The following NR4A3 variants were observed in gnomAD, a reference collection of about 807,000 sequenced individuals.
The protein encoded by NR4A3 is chondrosarcoma, extraskeletal myxoid, fused to EWS.
NR4A3 carries 13 observed loss-of-function variants against 55.6 expected under a neutral mutation model. The observed-to-expected ratio is 0.23, with a 90% CI of 0.15 to 0.37. The LOEUF (loss-of-function observed/expected upper bound fraction) is 0.37. NR4A3 is among the 10% of genes least tolerant of loss of function. NR4A3 has a pLI of 1.00. For missense variants in NR4A3, 646 were observed against 822.8 expected (o/e 0.79, Z 2.63); for synonymous variants, 342 against 357.9 (o/e 0.96, Z 0.50).
rs554728209 is a variant in NR4A3 at position 99,851,422 on chromosome 9, T to C, written c.1633+3807T>C. Among the ~76,000 whole-genome samples, 9 of 152,310 alleles carry C rather than the reference T, an allele frequency of 5.9e-5. No homozygotes were observed. The East Asian group carries it at 1.5e-3, about 26-fold the overall frequency. ...CAAAATTCATCCCAAAACTGTCTTT[T>C]CTTAAACCACAGAGAGCTCATGAAA... On this transcript the variant is annotated intron_variant, in intron 7 of 7. Transcript: ENST00000395097.
At position 99,825,343 on chromosome 9, in the gene NR4A3, G is replaced by A. The variant is rs968213004; in HGVS notation, c.-176-316G>A. 7.2e-5 allele frequency among the ~76,000 whole-genome samples: 11 copies of A among 151,898 alleles called. No homozygotes were observed. ...CGTAAGCTCGGAATCAATTGTGGGG[G>A]CAGAGAGATCAATTTCTGGGCAATA... On this transcript the variant is annotated intron_variant, in intron 1 of 7. Coordinates refer to ENST00000395097, the MANE Select transcript of NR4A3 (RefSeq NM_006981.4). The surrounding 1 kb of genome is among the most constrained non-coding windows in gnomAD (Gnocchi z 5.0).
chr9:99,827,288 G>A (rs1042983350), intron 2 of NR4A3, among the ~76,000 whole-genome samples: 65 of 135,934 alleles, frequency 4.8e-4, no homozygotes, highest in Middle Eastern at 3.7e-3. Context: ...GTGTGTGTGT[G>A]TGTATATATA....
In NR4A3 at chr9:99,863,640, C is replaced by A. The variant is rs1191801396; in HGVS notation, c.1654C>A (p.Pro552Thr). Residue 552 changes from proline (P) to threonine (T), a missense_variant, in exon 8 of 8, where the codon CCA becomes ACA. Pro to Thr is a conservative substitution (Grantham distance 38, BLOSUM62 -1). This residue lies in a region of NR4A3 where 163 missense variants were observed against 233.0 expected (regional missense o/e 0.70). Transcript: ENST00000395097. ...MITERHGLKE[P>T]KRVEELCNKI... ...TGCAGAAAGACATGGGTTAAAAGAACCAAAGAGAGTCGAAGAGCTATGCAA... is the reference window on the plus strand; with the variant it reads ...TGCAGAAAGACATGGGTTAAAAGAAACAAAGAGAGTCGAAGAGCTATGCAA... 1 of 1,613,872 alleles carries A rather than the reference C, an allele frequency of 6.2e-7. No homozygotes were observed. The highest frequency in any genetic ancestry group is 8.5e-7 in the Non-Finnish European group (1 of 1,179,896).
intron 7 of NR4A3, among the ~76,000 whole-genome samples, chr9:99,855,666 C>T (rs757851059): frequency 1.2e-4 from 18 of 152,202 alleles, no homozygotes; most frequent in Non-Finnish European, 1.6e-4. Context: ...CTCAATGTCT[C>T]TGGGACTGCC....
intron 1 of NR4A3, among the ~76,000 whole-genome samples, chr9:99,824,320 T>C (rs1411989135): frequency 6.6e-6 from 1 of 152,134 alleles, no homozygotes; most frequent in Non-Finnish European, 1.5e-5. Flanking sequence ...AGAGAACGAC[T>C]CCGCTTGAAA....
In NR4A3 at chr9:99,827,258, A is replaced by G. The variant is rs112678408; in HGVS notation, c.-2-783A>G. The stretch of plus-strand genomic sequence containing the variant: ...TATTAGTTAGAATTGGGATATATAT[A>G]TGTGTGTGTGTGTGTGTGTGTGTGT... On this transcript the variant is annotated intron_variant, in intron 2 of 7. Transcript: ENST00000395097. Among the ~76,000 whole-genome samples the G allele has an allele frequency of 3.8e-3, 545 of 145,106 alleles. 1 individual carries two copies. The highest frequency in any genetic ancestry group is 0.013 in the African/African-American group (493 of 38,942).
intron 7 of NR4A3, 85 bp downstream of exon 7, chr9:99,847,700 C>G (rs759415603): frequency 1.6e-6 from 2 of 1,282,740 alleles, no homozygotes; most frequent in Non-Finnish European, 2.2e-6. Flanking sequence ...ACTACACACA[C>G]CAGAAAAGTG....
intron 5 of NR4A3, chr9:99,835,019 G>A (rs1193565050): frequency 1.5e-6 from 1 of 688,746 alleles, no homozygotes; most frequent in Non-Finnish European, 1.8e-6. Flanking sequence ...GTGACCTTGA[G>A]CAACTGATTA....
intron 7 of NR4A3, among the ~76,000 whole-genome samples, chr9:99,858,414 G>T (rs933383387): frequency 1.3e-5 from 2 of 152,174 alleles, no homozygotes; most frequent in African/African-American, 4.8e-5. Flanking sequence ...TAGCCAAAAT[G>T]CACAGAAATC....
intron 5 of NR4A3, among the ~76,000 whole-genome samples, chr9:99,835,659 A>G (rs7865169): frequency 6.6e-6 from 1 of 152,176 alleles, no homozygotes; most frequent in Non-Finnish European, 1.5e-5. Context: ...TTTTGGCCCC[A>G]AATTATCCAA....
Position 99,847,446 on chromosome 9 carries a change from T to A in NR4A3, c.1464T>A (p.Thr488=). The change falls in exon 7 of 8, where the codon ACT becomes ACA. Residue 488 remains threonine, a synonymous_variant. Transcript: ENST00000395097. ...FVLRLSIRSN[T]AEDKFVFCNG... is the part of the protein sequence containing the mutation. ...TCCTCTCACCTCCCAGGTCAAACAC[T>A]GCTGAAGATAAGTTTGTGTTCTGCA... The A allele has an allele frequency of 6.2e-7, 1 of 1,614,178 alleles. No homozygotes were observed. The highest frequency in any genetic ancestry group is 8.5e-7 in the Non-Finnish European group (1 of 1,179,998).
chr9:99,823,865 C>G (rs770713333), intron 1 of NR4A3, among the ~76,000 whole-genome samples: 4 of 151,776 alleles, frequency 2.6e-5, no homozygotes, highest in Non-Finnish European at 5.9e-5. Context: ...TCAGTCTCTC[C>G]CTCGCTCCTC....
In NR4A3 at chr9:99,864,302, G is replaced by T. The variant is rs1038396875; in HGVS notation, c.*435G>T. 4.3e-6 allele frequency: 1 copy of T among 234,954 alleles called. No individual in the cohort carries two copies. The highest frequency in any genetic ancestry group is 8.4e-6 in the Non-Finnish European group (1 of 118,538). 14.6% of individuals were successfully genotyped at this position (234,954 alleles called of 1,614,324 possible). A position where few individuals can be genotyped will look rare whatever the true frequency, so the allele number is the denominator to read the frequency against. ...CAGGGTAGGATGTGTCTTAAAGATT[G>T]GTCCCTTGAAAATATGCTTCCTGTA... On this transcript the variant is annotated 3_prime_UTR_variant, in exon 8 of 8. Transcript: ENST00000395097.
intron 7 of NR4A3, among the ~76,000 whole-genome samples, chr9:99,862,375 C>T (rs2118180565): frequency 6.6e-6 from 1 of 151,624 alleles, no homozygotes; most frequent in Non-Finnish European, 1.5e-5. Context: ...GAAACCCCAT[C>T]TCTACTGAAA....
Position 99,866,259 on chromosome 9 carries a change from C to CT in NR4A3, c.*2394dup. ...AGAAATACTGTGCATACATAACCTT[C>CT]TTGTGCACCATGAGTATTTGGAAAG... On this transcript the variant is annotated 3_prime_UTR_variant, in exon 8 of 8. Coordinates refer to ENST00000395097, the MANE Select transcript of NR4A3 (RefSeq NM_006981.4). The CT allele has an allele frequency of 4.5e-6, 1 of 220,772 alleles. No individual in the cohort carries two copies. Among genetic ancestry groups the CT allele is most frequent in the East Asian group, 6.7e-5 (1 of 15,004 alleles). The allele number at this position is 220,772 out of a possible 1,614,324, so 13.7% of individuals were successfully genotyped here.
intron 5 of NR4A3, among the ~76,000 whole-genome samples, chr9:99,841,793 A>G (rs1827654679): frequency 1.3e-5 from 2 of 151,986 alleles, no homozygotes; most frequent in African/African-American, 4.8e-5. Flanking sequence ...CAATATAGAG[A>G]CACTGCCTCT....
chr9:99,834,732 G>T (rs191526339), intron 5 of NR4A3: 53 of 930,602 alleles, frequency 5.7e-5, no homozygotes, highest in East Asian at 2.4e-4. Context: ...TGTACCTGCT[G>T]TGATCCTCTT....
intron 7 of NR4A3, among the ~76,000 whole-genome samples, chr9:99,860,447 G>T (rs1045768648): frequency 6.6e-6 from 1 of 152,012 alleles, no homozygotes; most frequent in Non-Finnish European, 1.5e-5. Flanking sequence ...GTTTCCTTTG[G>T]ATAAATTCCC....
chr9:99,865,319 A>T lies in NR4A3; in HGVS notation c.*1452A>T, dbSNP rs573693926. The T allele has an allele frequency of 5.4e-4, 87 of 160,444 alleles. 1 individual carries two copies. The highest frequency in any genetic ancestry group is 1.9e-3 in the African/African-American group (77 of 40,168). The allele number at this position is 160,444 out of a possible 1,614,324, so 9.9% of individuals were successfully genotyped here. ...ATAAGCAAATATATATATATATATA[A>T]ATATAGCAGGTTACATATATATATT... On this transcript the variant is annotated 3_prime_UTR_variant, in exon 8 of 8. Transcript: ENST00000395097. The surrounding 1 kb of genome is among the most constrained non-coding windows in gnomAD (Gnocchi z 4.3).
Sources: allele counts gnomAD v4.1 joint callset (sites outside exome capture counted in the v4.1 genomes callset), GRCh38; gene constraint gnomAD v4.1.1; regional missense constraint gnomAD v4.1.1; non-coding constraint Gnocchi (gnomAD v3.1); transcripts MANE v1.5; gene names NCBI Gene and HGNC (gene_info 2026-07-23, HGNC 2026-07-21).